MTARC2: variants seen among roughly 807,000 people sequenced by gnomAD.
MTARC2 encodes the protein MOCO sulphurase C-terminal domain containing 2.
Under a neutral mutation model 35.6 loss-of-function variants are expected in MTARC2, and 27 were observed. The observed-to-expected ratio is 0.76, with a 90% confidence interval of 0.56 to 1.04. The LOEUF (loss-of-function observed/expected upper bound fraction) is 1.04. MTARC2 is among the 50% of genes least tolerant of loss of function. The probability of loss-of-function intolerance (pLI) is 0.00; values close to 1 mark genes in which losing one functional copy is unlikely to be tolerated. For synonymous variants in MTARC2, 158 were observed against 167.1 expected (o/e 0.95, Z 0.42); for missense variants, 412 against 432.5 (o/e 0.95, Z 0.42).
intron 4 of MTARC2, chr1:220,770,544 C>T: frequency 1.0e-6 from 1 of 985,394 alleles, no homozygotes; most frequent in Non-Finnish European, 1.2e-6. Context: ...GGAGTAGAGA[C>T]GGCAGAGTGG....
chr1:220,754,483 A>G (rs1384244458), intron 1 of MTARC2: 1 of 455,374 alleles, frequency 2.2e-6, no homozygotes, highest in East Asian at 6.9e-5. Flanking sequence ...AGGCAGCAAC[A>G]TTGCAAGACC....
intron 4 of MTARC2, among the ~76,000 whole-genome samples, chr1:220,771,047 C>T (rs1671730717): frequency 6.6e-6 from 1 of 152,136 alleles, no homozygotes; most frequent in African/African-American, 2.4e-5. Flanking sequence ...GCCTGTAATC[C>T]CAGCACTTTG....
At chr1:220,772,865 T>C (rs78761550) in intron 4 of MTARC2, among the ~76,000 whole-genome samples, 3,622 of 152,276 alleles carry the variant, frequency 0.024, 111 homozygotes, top group African/African-American at 0.064. Context: ...GTCTTAAGAA[T>C]AGAAAAAATA....
intron 3 of MTARC2, 33 bp from the exon 4 acceptor site, chr1:220,762,877 G>C: frequency 6.2e-7 from 1 of 1,613,092 alleles, no homozygotes; most frequent in Non-Finnish European, 8.5e-7. Flanking sequence ...TTTGTGGAGT[G>C]GTGGGGCCTG....
In MTARC2 at chr1:220,774,742, C is replaced by G. The variant is rs1356425941; in HGVS notation, c.751-5276C>G. Among the ~76,000 whole-genome samples, 12 of 152,312 alleles carry G rather than the reference C, an allele frequency of 7.9e-5. No individual in the cohort carries two copies. In the East Asian group the frequency reaches 1.9e-3, roughly 25 times the overall value. On this transcript the variant is annotated intron_variant, in intron 4 of 7. Transcript: ENST00000366913. Reference sequence around the variant, plus strand: ...GGCAGGCCATGCAGGCTCTTTCCACCTCACTCTCAGCGGTCTTATACTTCT... The same window carrying G: ...GGCAGGCCATGCAGGCTCTTTCCACGTCACTCTCAGCGGTCTTATACTTCT...
chr1:220,776,549 G>T (rs1013283983), intron 4 of MTARC2, among the ~76,000 whole-genome samples: 3 of 152,094 alleles, frequency 2.0e-5, no homozygotes, highest in Non-Finnish European at 4.4e-5. Context: ...GATCAGATTA[G>T]GTTGAGAATA....
At chr1:220,749,001 C>T (rs2102537984) in intron 1 of MTARC2, among the ~76,000 whole-genome samples, 198 bp downstream of exon 1, 1 of 152,342 alleles carries the variant, frequency 6.6e-6, no homozygotes, top group East Asian at 1.9e-4. Flanking sequence ...TAGGTAGGGG[C>T]AATCCCTTGC....
intron 1 of MTARC2, among the ~76,000 whole-genome samples, chr1:220,753,257 A>G (rs1256570057): frequency 6.6e-6 from 1 of 151,926 alleles, no homozygotes; most frequent in East Asian, 1.9e-4. Context: ...AGAAAGAAAG[A>G]AAAAGGTGGT....
At chr1:220,758,698 C>A (rs1244789500) in intron 2 of MTARC2, among the ~76,000 whole-genome samples, 1 of 152,178 alleles carries the variant, frequency 6.6e-6, no homozygotes, top group East Asian at 1.9e-4. Flanking sequence ...GGATTACAGG[C>A]ATCAGCCACC....
chr1:220,755,085 C>A lies in MTARC2; in HGVS notation c.411C>A (p.Ser137Arg). 1 of 1,611,698 alleles carries A rather than the reference C, an allele frequency of 6.2e-7. No individual in the cohort carries two copies. ...APDMDQLVLPSKQPSSNKLHN... is the reference protein window; with the variant it reads ...APDMDQLVLPRKQPSSNKLHN... ...ACATGGACCAGCTGGTTTTGCCTAG[C>A]AAGCAGCCTTCCTCAAACAAACTCC... Residue 137 changes from serine (S) to arginine (R), a missense_variant, in exon 2 of 8, where the codon AGC becomes AGA. Coordinates refer to ENST00000366913, the MANE Select transcript of MTARC2 (RefSeq NM_017898.5).
chr1:220,770,430 C>T (rs535902889), intron 4 of MTARC2: 4 of 985,334 alleles, frequency 4.1e-6, no homozygotes, highest in Admixed American at 6.1e-5. Context: ...GTATTCCCCT[C>T]GAGTGAGTGT....
At position 220,748,384 on chromosome 1, in the gene MTARC2, C is replaced by T; in HGVS notation, c.-148C>T. On this transcript the variant is annotated 5_prime_UTR_variant, in exon 1 of 8. Coordinates refer to ENST00000366913, the MANE Select transcript of MTARC2 (RefSeq NM_017898.5). Reference sequence around the variant, plus strand: ...CCCGCTCTCCGCGGAACTGCTCTGCCGTCTCGGCGGTGAAAGTGTGAGAGG... The same window carrying T: ...CCCGCTCTCCGCGGAACTGCTCTGCTGTCTCGGCGGTGAAAGTGTGAGAGG... 1.3e-6 allele frequency: 1 copy of T among 787,922 alleles called. No homozygotes were observed. Among genetic ancestry groups the T allele is most frequent in the East Asian group, 3.5e-5 (1 of 28,334 alleles). 48.8% of individuals were successfully genotyped at this position (787,922 alleles called of 1,614,324 possible).
chr1:220,767,603 GT>G (rs753826085), intron 4 of MTARC2, among the ~76,000 whole-genome samples: 6 of 152,244 alleles, frequency 3.9e-5, no homozygotes, highest in Non-Finnish European at 8.8e-5. Flanking sequence ...GTTGGCCATT[GT>G]GGGGTCAGTG....
chr1:220,769,981 A>C (rs1175050331), intron 4 of MTARC2, among the ~76,000 whole-genome samples: 8 of 143,812 alleles, frequency 5.6e-5, no homozygotes, highest in East Asian at 2.3e-4. Flanking sequence ...ATGGCGGGCG[A>C]CTGTAGCCCC....
rs1297706268 is a variant in MTARC2, at chr1:220,748,335, G to T, written c.-197G>T. On this transcript the variant is annotated 5_prime_UTR_variant, in exon 1 of 8. Transcript: ENST00000366913. Reference sequence around the variant, plus strand: ...CCTGTCTTCCTCCATTACCGCGCAGGCTTGGTCACCGCATTAAGGCATTCC... The same window carrying T: ...CCTGTCTTCCTCCATTACCGCGCAGTCTTGGTCACCGCATTAAGGCATTCC... 2 of 504,390 alleles carry T rather than the reference G, an allele frequency of 4.0e-6. No homozygotes were observed. Among genetic ancestry groups the T allele is most frequent in the East Asian group, 7.5e-5 (2 of 26,594 alleles). The allele number at this position is 504,390 out of a possible 1,614,324, so 31.2% of individuals were successfully genotyped here. A position where few individuals can be genotyped will look rare whatever the true frequency, so the allele number is the denominator to read the frequency against.
At chr1:220,749,576 G>C (rs1306132229) in intron 1 of MTARC2, among the ~76,000 whole-genome samples, 1 of 151,954 alleles carries the variant, frequency 6.6e-6, no homozygotes, top group Non-Finnish European at 1.5e-5. Context: ...GATTACAGGT[G>C]TGCGCCACCA....
intron 4 of MTARC2, among the ~76,000 whole-genome samples, chr1:220,765,643 G>T (rs1003817111): frequency 6.7e-6 from 1 of 148,650 alleles, no homozygotes; most frequent in Non-Finnish European, 1.5e-5. Flanking sequence ...TGCAATCACG[G>T]CTCACTGCAG....
At chr1:220,777,997 GT>G (rs1424939573) in intron 4 of MTARC2, among the ~76,000 whole-genome samples, 1 of 152,144 alleles carries the variant, frequency 6.6e-6, no homozygotes, top group Non-Finnish European at 1.5e-5. Context: ...AATCCCAGCA[GT>G]TTGGGAGGCT....
intron 4 of MTARC2, among the ~76,000 whole-genome samples, chr1:220,773,040 C>A (rs1671788377): frequency 6.6e-6 from 1 of 152,092 alleles, no homozygotes; most frequent in Admixed American, 6.5e-5. Flanking sequence ...TCATACCTGA[C>A]TTTATGCTAG....
Sources: allele counts gnomAD v4.1 joint callset (sites outside exome capture counted in the v4.1 genomes callset), GRCh38; gene constraint gnomAD v4.1.1; transcripts MANE v1.5; gene names NCBI Gene and HGNC (gene_info 2026-07-23, HGNC 2026-07-21).